Variants in RGS11 observed in about 807,000 individuals in gnomAD.
RGS11 encodes regulator of G protein signaling 11.
Under a neutral mutation model 71.1 loss-of-function variants are expected in RGS11, and 86 were observed. That is an observed-to-expected ratio of 1.21 (90% CI 1.02 to 1.45). The LOEUF (loss-of-function observed/expected upper bound fraction) is 1.45. RGS11 is among the 40% of genes most tolerant of loss of function. The probability of loss-of-function intolerance (pLI) is 0.00; values close to 1 mark genes in which losing one functional copy is unlikely to be tolerated. For synonymous variants in RGS11, 298 were observed against 254.2 expected (o/e 1.17, Z -1.64); for missense variants, 734 against 635.1 (o/e 1.16, Z -1.67).
In RGS11 at chr16:270,993, C is replaced by A. The variant is rs61759901; in HGVS notation, c.970G>T (p.Glu324Ter). The A allele has an allele frequency of 8.8e-3, 14,198 of 1,611,588 alleles. 68 individuals carry two copies. The highest frequency in any genetic ancestry group is 0.011 in the Non-Finnish European group (12,954 of 1,179,184). ...GCTGGGGGGTTCTCACCACTGAACT[C>A]CTTTCCCAGAAAGTCCATGAAGTGG... ...RAHFMDFLGK[E>*]FSGENLSFWE... is the part of the protein sequence containing the mutation. The change falls in exon 13 of 17, where the codon GAG (glutamate) becomes TAG (stop). Residue 324 changes from glutamate to a stop codon, truncating the protein, a stop_gained. Transcript: ENST00000397770. LOFTEE classifies it high-confidence loss of function.
At position 268,404 on chromosome 16, in the gene RGS11, G is replaced by A. The variant is rs756775677; in HGVS notation, c.*865C>T. On this transcript the variant is annotated 3_prime_UTR_variant, in exon 17 of 17. Coordinates refer to ENST00000397770, the MANE Select transcript of RGS11 (RefSeq NM_183337.3). ...CAGCCCTATGGGTGGGGATGGCACC[G>A]CCCTACCGCCGAGAGAGTTGAAGCT... 30 of 321,066 alleles carry A rather than the reference G, an allele frequency of 9.3e-5. No individual in the cohort carries two copies. Among genetic ancestry groups the A allele is most frequent in the Non-Finnish European group, 1.5e-4 (25 of 167,280 alleles). 19.9% of individuals were successfully genotyped at this position (321,066 alleles called of 1,614,324 possible). A position where few individuals can be genotyped will look rare whatever the true frequency, so the allele number is the denominator to read the frequency against.
rs559468098 is a variant in RGS11, at chr16:270,197, C to T, written c.1206+326G>A. Among the ~76,000 whole-genome samples the T allele has an allele frequency of 1.6e-3, 241 of 152,178 alleles. 1 individual carries two copies. The highest frequency in any genetic ancestry group is 2.3e-3 in the Non-Finnish European group (154 of 68,020). On this transcript the variant is annotated intron_variant, in intron 15 of 16. Coordinates refer to ENST00000397770, the MANE Select transcript of RGS11 (RefSeq NM_183337.3). ...CCGGGAGGTGGAGCTTGCACTGAGCCGAGATCCCGCCACTGCACTCCAGCC... is the reference window on the plus strand; with the variant it reads ...CCGGGAGGTGGAGCTTGCACTGAGCTGAGATCCCGCCACTGCACTCCAGCC...
chr16:270,647 G>T lies in RGS11; in HGVS notation c.1082C>A (p.Pro361His), dbSNP rs750101985. 4.3e-6 allele frequency: 7 copies of T among 1,609,790 alleles called. No homozygotes were observed. The Admixed American group carries it at 1.2e-4, about 27-fold the overall frequency. ...GATGTTGACCCAGTGGGCAGCTCCG[G>T]GGGCCAGGAACTGCCTAGGGGTGGG... ...VDAVYEQFLAPGAAHWVNIDS... is the reference protein window; with the variant it reads ...VDAVYEQFLAHGAAHWVNIDS... The change falls in exon 15 of 17, where the codon CCC (proline) becomes CAC (histidine). Residue 361 changes from proline to histidine, a missense_variant. Coordinates refer to ENST00000397770, the MANE Select transcript of RGS11 (RefSeq NM_183337.3).
At chr16:272,520 G>A in intron 9 of RGS11, 1 of 1,385,094 alleles carries the variant, frequency 7.2e-7, no homozygotes, top group Non-Finnish European at 9.5e-7. Context: ...TGGATCTGCT[G>A]AGGTCTGTCA....
intron 8 of RGS11, 41 bp from the exon 9 acceptor site, chr16:272,972 G>C (rs2141416963): frequency 1.4e-6 from 2 of 1,453,790 alleles, no homozygotes; most frequent in South Asian, 2.8e-5. Context: ...TGCAGTTCCG[G>C]TGGCTGACCC....
At position 271,577 on chromosome 16, in the gene RGS11, G is replaced by T; in HGVS notation, c.658-8C>A. The T allele has an allele frequency of 6.2e-7, 1 of 1,613,928 alleles. No homozygotes were observed. Among genetic ancestry groups the T allele is most frequent in the African/African-American group, 1.3e-5 (1 of 75,060 alleles). On this transcript the variant is annotated splice_polypyrimidine_tract_variant and splice_region_variant and intron_variant, in intron 9 of 16. Transcript: ENST00000397770. ...GAAATCTGCACTCTTGGTCTAGAAGGGGATAGGTGGGCTGCAGTTAGATGC... is the reference window on the plus strand; with the variant it reads ...GAAATCTGCACTCTTGGTCTAGAAGTGGATAGGTGGGCTGCAGTTAGATGC...
At position 275,844 on chromosome 16, in the gene RGS11, CG is replaced by C. The variant is rs1369076821; in HGVS notation, c.63+4del. The C allele has an allele frequency of 2.8e-6, 3 of 1,070,766 alleles. No homozygotes were observed. In the African/African-American group the frequency reaches 5.1e-5, roughly 18 times the overall value. The allele number at this position is 1,070,766 out of a possible 1,614,324, so 66.3% of individuals were successfully genotyped here. ...GGGACGGCGGGACACCCACCCGCCT[CG>C]CACCTTCCTCAGATGCGGCATCTGC... On this transcript the variant is annotated splice_donor_region_variant and intron_variant, in intron 1 of 16. Coordinates refer to ENST00000397770, the MANE Select transcript of RGS11 (RefSeq NM_183337.3).
At chr16:272,642 C>G (rs2051989900) in intron 9 of RGS11, 1 of 1,402,996 alleles carries the variant, frequency 7.1e-7, no homozygotes, top group African/African-American at 1.4e-5. Flanking sequence ...ACTCCACTTA[C>G]CTGCACCCAG....
intron 15 of RGS11, among the ~76,000 whole-genome samples, chr16:270,109 C>T (rs7499084): frequency 0.23 from 34,250 of 151,286 alleles, 7,016 homozygotes; most frequent in African/African-American, 0.54. Context: ...ATTAGCCGGG[C>T]GTGGTGGCGG....
At chr16:269,623 T>C (rs942440311) in intron 15 of RGS11, 38 bp from the exon 16 acceptor site, 9 of 1,478,072 alleles carry the variant, frequency 6.1e-6, no homozygotes, top group Middle Eastern at 1.7e-4. Flanking sequence ...CCCTTCTGCC[T>C]CCTCACCTCT....
At chr16:272,767 C>A in intron 9 of RGS11, 96 bp downstream of exon 9, 1 of 1,527,448 alleles carries the variant, frequency 6.5e-7, no homozygotes, top group Non-Finnish European at 8.7e-7. Flanking sequence ...CTGGGTGGAC[C>A]AAATGACGGA....
chr16:271,598 G>T, intron 9 of RGS11, 29 bp from the exon 10 acceptor site: 1 of 1,609,958 alleles, frequency 6.2e-7, no homozygotes, highest in South Asian at 1.1e-5. Flanking sequence ...GCTGCAGTTA[G>T]ATGCAGGTCC....
In RGS11 at chr16:275,907, GC is replaced by G; in HGVS notation, c.4del (p.Ala2ProfsTer18). The G allele has an allele frequency of 3.7e-6, 3 of 813,754 alleles. No individual in the cohort carries two copies. Among genetic ancestry groups the G allele is most frequent in the Non-Finnish European group, 3.0e-6 (2 of 663,436 alleles). The allele number at this position is 813,754 out of a possible 1,614,324, so 50.4% of individuals were successfully genotyped here. ...GCCGGGGGGCGGCGCGGGGCCGGCG[GC>G]CATGGCTGCGGGGCGAGGCCGGCGG... MAAGPAPPPGRP... is the reference protein window; with the variant it reads MXAGPAPPPGRP... On this transcript the variant is annotated frameshift_variant, in exon 1 of 17. Transcript: ENST00000397770. LOFTEE classifies it high-confidence loss of function.
At chr16:275,651 CCGGGGAGG>C (rs1596921945) in intron 1 of RGS11, 153 bp from the exon 2 acceptor site, 31 of 128,706 alleles carry the variant, frequency 2.4e-4, no homozygotes, top group East Asian at 2.2e-3. Context: ...GCGGGGCGGG[CCGGGGAGG>C]GCCGGGGAGG....
rs2051892130 is a variant in RGS11, at chr16:270,740, T to C, written c.1067+4A>G. 6.2e-7 allele frequency: 1 copy of C among 1,612,080 alleles called. No homozygotes were observed. The highest frequency in any genetic ancestry group is 1.3e-5 in the African/African-American group (1 of 74,894). The stretch of plus-strand genomic sequence containing the variant: ...CCAACCGGTGCCCACCACGCAGCAC[T>C]TACTCGTACACGGCATCCACCAGGG... On this transcript the variant is annotated splice_donor_region_variant and intron_variant, in intron 14 of 16. Coordinates refer to ENST00000397770, the MANE Select transcript of RGS11 (RefSeq NM_183337.3).
chr16:270,400 G>C, intron 15 of RGS11, 123 bp downstream of exon 15: 1 of 1,204,822 alleles, frequency 8.3e-7, no homozygotes, highest in South Asian at 1.5e-5. Context: ...AGGTGGGGAA[G>C]GTGCTCCCCA....
In RGS11 at chr16:268,849, T is replaced by C; in HGVS notation, c.*420A>G. 1 of 1,550,344 alleles carries C rather than the reference T, an allele frequency of 6.5e-7. No individual in the cohort carries two copies. The highest frequency in any genetic ancestry group is 1.2e-5 in the South Asian group (1 of 84,050). On this transcript the variant is annotated 3_prime_UTR_variant, in exon 17 of 17. Transcript: ENST00000397770. Reference sequence around the variant, plus strand: ...CGCCGAGACCTGCATGTCCGCGTCTTGTGACGGGTGTGTGGGAAGCCGCCC... The same window carrying C: ...CGCCGAGACCTGCATGTCCGCGTCTCGTGACGGGTGTGTGGGAAGCCGCCC...
At chr16:275,116 C>A in intron 3 of RGS11, 34 bp from the exon 4 acceptor site, 1 of 1,481,402 alleles carries the variant, frequency 6.8e-7, no homozygotes, top group Non-Finnish European at 8.9e-7. Context: ...CGCGGGGCCG[C>A]GGAAGCGGGC....
chr16:271,748 A>G, intron 9 of RGS11, 179 bp from the exon 10 acceptor site: 1 of 634,972 alleles, frequency 1.6e-6, no homozygotes, highest in Non-Finnish European at 2.8e-6. Context: ...TCTTTCGAGG[A>G]GACCTCTGGG....
Sources: gnomAD v4.1 joint callset for allele counts (sites outside exome capture counted in the v4.1 genomes callset) on GRCh38, gnomAD v4.1.1 for gene constraint, MANE v1.5 for transcripts, NCBI Gene and HGNC (gene_info 2026-07-23, HGNC 2026-07-21) for gene names.